PRR12: variants seen among roughly 807,000 people sequenced by gnomAD.
The protein encoded by PRR12 is proline rich 12.
PRR12 carries 12 observed loss-of-function variants against 138.0 expected under a neutral mutation model. The observed-to-expected ratio is 0.09, with a 90% confidence interval of 0.06 to 0.14. The LOEUF is 0.14. PRR12 is among the 10% of genes least tolerant of loss of function. The probability of loss-of-function intolerance (pLI) is 1.00; values close to 1 mark genes in which losing one functional copy is unlikely to be tolerated. For synonymous variants in PRR12, 1,567 were observed against 1,291.7 expected, an observed-to-expected ratio of 1.21 and a Z score of -4.57; for missense variants, 2,692 against 2,861.3, an observed-to-expected ratio of 0.94 and a Z score of 1.35.
In PRR12 at chr19:49,597,942, CG is replaced by C; in HGVS notation, c.3611del (p.Gly1204AlafsTer19). ...PTDGAKKPRG[R>X]GRGRGRKAEE... Reference sequence around the variant, plus strand: ...CGATGGCGCCAAGAAACCCCGGGGCCGGGGCCGAGGCCGGGGTCGAAAGGCT... The same window carrying C: ...CGATGGCGCCAAGAAACCCCGGGGCCGGGCCGAGGCCGGGGTCGAAAGGCT... On this transcript the variant is annotated frameshift_variant, in exon 4 of 14. Coordinates refer to ENST00000418929, the MANE Select transcript of PRR12 (RefSeq NM_020719.3). LOFTEE classifies it high-confidence loss of function. The surrounding 1 kb of genome is among the most constrained non-coding windows in gnomAD (Gnocchi z 6.3). The C allele has an allele frequency of 7.1e-7, 1 of 1,399,842 alleles. No homozygotes were observed. The highest frequency in any genetic ancestry group is 3.4e-5 in the Admixed American group (1 of 29,040). The allele number at this position is 1,399,842 out of a possible 1,614,324, so 86.7% of individuals were successfully genotyped here. A position where few individuals can be genotyped will look rare whatever the true frequency, so the allele number is the denominator to read the frequency against.
At chr19:49,621,756 T>A in intron 11 of PRR12, 134 bp downstream of exon 11, 1 of 712,976 alleles carries the variant, frequency 1.4e-6, no homozygotes. Flanking sequence ...GGAGAAAAGT[T>A]GAGGGCAGGA....
At position 49,596,739 on chromosome 19, in the gene PRR12, C is replaced by A; in HGVS notation, c.2404C>A (p.Leu802Ile). ...LVLPPPPPQL[L>I]PSVLSHAPSP... Reference sequence around the variant, plus strand: ...GCTGCCTCCGCCTCCCCCCCAGCTGCTCCCCTCGGTCCTCAGCCATGCCCC... The same window carrying A: ...GCTGCCTCCGCCTCCCCCCCAGCTGATCCCCTCGGTCCTCAGCCATGCCCC... Residue 802 changes from leucine (L) to isoleucine (I), a missense_variant, in exon 4 of 14, where the codon CTC becomes ATC. Leu to Ile is a conservative substitution (Grantham distance 5). Transcript: ENST00000418929. This position sits in a 1 kb window ranked among gnomAD's most constrained non-coding sequence, Gnocchi z 5.6. 6.2e-7 allele frequency: 1 copy of A among 1,604,484 alleles called. No homozygotes were observed. Among genetic ancestry groups the A allele is most frequent in the East Asian group, 2.2e-5 (1 of 44,814 alleles).
At chr19:49,598,220 C>T (rs775449690) in intron 4 of PRR12, among the ~76,000 whole-genome samples, 20 of 151,956 alleles carry the variant, frequency 1.3e-4, no homozygotes, top group Non-Finnish European at 2.9e-4. Flanking sequence ...ACTACAGTTG[C>T]CCGCCACCAC....
In PRR12 at chr19:49,625,402, C is replaced by G; in HGVS notation, c.5965-59C>G. 1 of 1,514,726 alleles carries G rather than the reference C, an allele frequency of 6.6e-7. No individual in the cohort carries two copies. The highest frequency in any genetic ancestry group is 8.8e-7 in the Non-Finnish European group (1 of 1,131,514). The allele number at this position is 1,514,726 out of a possible 1,614,324, so 93.8% of individuals were successfully genotyped here. On this transcript the variant is annotated intron_variant, in intron 13 of 13. Coordinates refer to ENST00000418929, the MANE Select transcript of PRR12 (RefSeq NM_020719.3). This position sits in a 1 kb window ranked among gnomAD's most constrained non-coding sequence, Gnocchi z 5.5. ...ACACCCCAGGCCCCATGCCCCAGCCCCTTCCCTCCCCAGAGGCCGGTGTGC... is the reference window on the plus strand; with the variant it reads ...ACACCCCAGGCCCCATGCCCCAGCCGCTTCCCTCCCCAGAGGCCGGTGTGC...
At position 49,594,504 on chromosome 19, in the gene PRR12, C is replaced by T; in HGVS notation, c.250C>T (p.Pro84Ser). Residue 84 changes from proline (P) to serine (S), a missense_variant, in exon 3 of 14, where the codon CCC becomes TCC. Coordinates refer to ENST00000418929, the MANE Select transcript of PRR12 (RefSeq NM_020719.3). This position sits in a 1 kb window ranked among gnomAD's most constrained non-coding sequence, Gnocchi z 5.6. ...CCTCCACCACGCGGGCTCAGCAGGG[C>T]CCGACGCCTCCGTCATGAACCTTAT... Reference protein sequence around the residue: ...TGLHHAGSAGPDASVMNLISA... With the variant: ...TGLHHAGSAGSDASVMNLISA... 1 of 1,613,324 alleles carries T rather than the reference C, an allele frequency of 6.2e-7. No homozygotes were observed. Among genetic ancestry groups the T allele is most frequent in the Non-Finnish European group, 8.5e-7 (1 of 1,179,780 alleles).
intron 6 of PRR12, among the ~76,000 whole-genome samples, chr19:49,605,003 A>G (rs2080831165): frequency 1.3e-5 from 2 of 151,604 alleles, no homozygotes; most frequent in African/African-American, 4.8e-5. Context: ...AGAGGATCCC[A>G]CCATGGTTGG....
At chr19:49,620,045 G>A (rs1206707572) in intron 9 of PRR12, among the ~76,000 whole-genome samples, 3 of 151,356 alleles carry the variant, frequency 2.0e-5, no homozygotes, top group African/African-American at 7.3e-5. Flanking sequence ...TAGAGACAGG[G>A]TTTTGCCACG....
At chr19:49,608,346 A>T (rs112700108) in intron 6 of PRR12, among the ~76,000 whole-genome samples, 2,660 of 151,820 alleles carry the variant, frequency 0.018, 75 homozygotes, top group African/African-American at 0.06. Context: ...TTTTTTTTTA[A>T]AATTTTTTAT....
At chr19:49,604,369 A>G (rs2080827749) in intron 6 of PRR12, among the ~76,000 whole-genome samples, 1 of 151,862 alleles carries the variant, frequency 6.6e-6, no homozygotes, top group African/African-American at 2.4e-5. Context: ...GTCTCAAAAA[A>G]AAAAAAAAAA....
At chr19:49,609,762 G>C (rs1256586547) in intron 6 of PRR12, among the ~76,000 whole-genome samples, 1 of 152,160 alleles carries the variant, frequency 6.6e-6, no homozygotes, top group Non-Finnish European at 1.5e-5. Context: ...TGAATGCTGA[G>C]GCTGGGCTGG....
chr19:49,618,871 A>C (rs2080906018), intron 9 of PRR12, among the ~76,000 whole-genome samples: 1 of 151,520 alleles, frequency 6.6e-6, no homozygotes, highest in Non-Finnish European at 1.5e-5. Flanking sequence ...TCACTCCTCC[A>C]GTCTGTCCCC....
intron 9 of PRR12, among the ~76,000 whole-genome samples, chr19:49,619,929 C>T (rs557817314): frequency 7.1e-6 from 1 of 140,458 alleles, no homozygotes; most frequent in East Asian, 2.2e-4. Flanking sequence ...AATCTTGGCT[C>T]ACTGCAACCT....
At position 49,601,573 on chromosome 19, in the gene PRR12, G is replaced by A. The variant is rs1052307138; in HGVS notation, c.4428G>A (p.Pro1476=). Residue 1476 remains proline, a synonymous_variant, in exon 6 of 14, where the codon CCG becomes CCA. Transcript: ENST00000418929. ...TPQPQPPPPP[P]PPQPALPSPP... is the part of the protein sequence containing the mutation. ...AGCCTCAGCCTCCGCCACCCCCTCC[G>A]CCGCCACAGCCAGCCCTGCCCTCGC... 3.5e-5 allele frequency: 42 copies of A among 1,188,538 alleles called. No homozygotes were observed. Among genetic ancestry groups the A allele is most frequent in the Non-Finnish European group, 4.2e-5 (39 of 920,974 alleles). The allele number at this position is 1,188,538 out of a possible 1,614,324, so 73.6% of individuals were successfully genotyped here. A position where few individuals can be genotyped will look rare whatever the true frequency, so the allele number is the denominator to read the frequency against.
chr19:49,596,088 G>A lies in PRR12; in HGVS notation c.1753G>A (p.Ala585Thr). The A allele has an allele frequency of 6.2e-7, 1 of 1,602,172 alleles. No homozygotes were observed. Among genetic ancestry groups the A allele is most frequent in the Non-Finnish European group, 8.5e-7 (1 of 1,179,744 alleles). The change falls in exon 4 of 14, where the codon GCC becomes ACC. Residue 585 changes from alanine (A) to threonine (T), a missense_variant. Ala to Thr is a moderately conservative substitution (Grantham distance 58, BLOSUM62 0). Transcript: ENST00000418929. This position sits in a 1 kb window ranked among gnomAD's most constrained non-coding sequence, Gnocchi z 5.6. ...TCCACCTGGAGTCGGCTCTCCAGGAGCCCCTGGCAAATACCTGAGCTCAGT... is the reference window on the plus strand; with the variant it reads ...TCCACCTGGAGTCGGCTCTCCAGGAACCCCTGGCAAATACCTGAGCTCAGT... Reference protein sequence around the residue: ...GRPPGVGSPGAPGKYLSSVLA... With the variant: ...GRPPGVGSPGTPGKYLSSVLA...
At chr19:49,603,310 G>A (rs1019850475) in intron 6 of PRR12, among the ~76,000 whole-genome samples, 2 of 152,370 alleles carry the variant, frequency 1.3e-5, no homozygotes, top group East Asian at 1.9e-4. Context: ...TGGCATGGAC[G>A]CCAAGGCCAT....
rs1343683616 is a variant in PRR12 at position 49,622,904 on chromosome 19, A to AC, written c.5721+1282_5721+1283insC. On this transcript the variant is annotated intron_variant, in intron 11 of 13. Transcript: ENST00000418929. Reference sequence around the variant, plus strand: ...GAGACTCTGTCTCAAAAAAAAAACAAAAACATATATATATATATATATATA... The same window carrying AC: ...GAGACTCTGTCTCAAAAAAAAAACAACAAACATATATATATATATATATATA... Among the ~76,000 whole-genome samples, 14 of 113,216 alleles carry AC rather than the reference A, an allele frequency of 1.2e-4. 2 individuals are homozygous for AC. Among genetic ancestry groups the AC allele is most frequent in the African/African-American group, 6.2e-4 (14 of 22,732 alleles). The allele number at this position is 113,216 out of a possible 152,430, so 74.3% of individuals were successfully genotyped here.
At chr19:49,609,225 A>G (rs1479840281) in intron 6 of PRR12, among the ~76,000 whole-genome samples, 2 of 152,130 alleles carry the variant, frequency 1.3e-5, no homozygotes, top group Non-Finnish European at 2.9e-5. Flanking sequence ...TGATCACCGG[A>G]GTTTGAGAGG....
At position 49,596,551 on chromosome 19, in the gene PRR12, C is replaced by T; in HGVS notation, c.2216C>T (p.Pro739Leu). The change falls in exon 4 of 14, where the codon CCC becomes CTC. Residue 739 changes from proline (P) to leucine (L), a missense_variant. By Grantham distance (98) the Pro-to-Leu change is moderately conservative. This residue lies in a region of PRR12 where 840 missense variants were observed against 689.8 expected (regional missense o/e 1.22). Coordinates refer to ENST00000418929, the MANE Select transcript of PRR12 (RefSeq NM_020719.3). The surrounding 1 kb of genome is among the most constrained non-coding windows in gnomAD (Gnocchi z 5.6). ...KKGPERGGETPEGLATSVVHY... is the reference protein window; with the variant it reads ...KKGPERGGETLEGLATSVVHY... Reference sequence around the variant, plus strand: ...GGGCCAGAGCGGGGTGGCGAGACCCCCGAGGGGCTGGCCACCTCTGTTGTC... The same window carrying T: ...GGGCCAGAGCGGGGTGGCGAGACCCTCGAGGGGCTGGCCACCTCTGTTGTC... The T allele has an allele frequency of 1.9e-6, 3 of 1,606,066 alleles. No homozygotes were observed. Among genetic ancestry groups the T allele is most frequent in the Non-Finnish European group, 2.5e-6 (3 of 1,176,932 alleles).
chr19:49,609,242 C>T (rs2080853491), intron 6 of PRR12, among the ~76,000 whole-genome samples: 1 of 152,114 alleles, frequency 6.6e-6, no homozygotes, highest in African/African-American at 2.4e-5. Context: ...GAGGTCAAGG[C>T]TGCAGTGAGC....
Sources: allele counts gnomAD v4.1 joint callset (sites outside exome capture counted in the v4.1 genomes callset), GRCh38; gene constraint gnomAD v4.1.1; regional missense constraint gnomAD v4.1.1; non-coding constraint Gnocchi (gnomAD v3.1); transcripts MANE v1.5; gene names NCBI Gene and HGNC (gene_info 2026-07-23, HGNC 2026-07-21).